ATRNL1: variants seen among roughly 807,000 people sequenced by gnomAD.
ATRNL1 encodes the protein attractin like 1.
ATRNL1 carries 95 observed loss-of-function variants against 182.7 expected under a neutral mutation model. That is an observed-to-expected ratio of 0.52 (90% CI 0.44 to 0.62). ATRNL1 has a LOEUF of 0.62. Ranked by LOEUF, ATRNL1 falls within the 20% of genes least tolerant of loss-of-function variation. ATRNL1 has a pLI of 0.00. For synonymous variants in ATRNL1, 576 were observed against 568.3 expected, an observed-to-expected ratio of 1.01 and a Z score of -0.19; for missense variants, 1,471 against 1,679.5, an observed-to-expected ratio of 0.88 and a Z score of 2.17.
chr10:115,627,373 C>CT (rs34707919), intron 26 of ATRNL1, among the ~76,000 whole-genome samples: 10 of 151,254 alleles, frequency 6.6e-5, no homozygotes, highest in Admixed American at 1.3e-4. Context: ...ATTAGTATTT[C>CT]TTTTTTTTTG....
intron 27 of ATRNL1, among the ~76,000 whole-genome samples, chr10:115,836,058 C>T (rs568671101): frequency 2.0e-5 from 3 of 152,190 alleles, no homozygotes; most frequent in Non-Finnish European, 2.9e-5. Context: ...CAACGTATAA[C>T]GTATACTACC....
At chr10:115,775,261 A>G (rs1949094559) in intron 27 of ATRNL1, among the ~76,000 whole-genome samples, 1 of 152,200 alleles carries the variant, frequency 6.6e-6, no homozygotes, top group Admixed American at 6.5e-5. Flanking sequence ...AAATATATTG[A>G]ATCAGCTTTG....
At chr10:115,519,998 T>C (rs1291145640) in intron 25 of ATRNL1, among the ~76,000 whole-genome samples, 2 of 152,182 alleles carry the variant, frequency 1.3e-5, no homozygotes, top group Admixed American at 1.3e-4. Context: ...TGTTATGAGA[T>C]CGTAGATCCT....
At chr10:115,221,447 T>C (rs1248986626) in intron 9 of ATRNL1, among the ~76,000 whole-genome samples, 14 of 152,218 alleles carry the variant, frequency 9.2e-5, no homozygotes, top group Admixed American at 8.5e-4. Flanking sequence ...TGAGGACTTA[T>C]TCTTTTTCAG....
intron 5 of ATRNL1, among the ~76,000 whole-genome samples, chr10:115,148,838 C>T (rs1846089410): frequency 6.6e-6 from 1 of 150,748 alleles, no homozygotes; most frequent in Non-Finnish European, 1.5e-5. Flanking sequence ...CAACATCCTC[C>T]TCCCAGGTTC....
chr10:115,159,997 G>A (rs1592189039), intron 5 of ATRNL1, 43 bp from the exon 6 acceptor site: 2 of 1,405,552 alleles, frequency 1.4e-6, no homozygotes, highest in Admixed American at 2.3e-5. Context: ...TAATCTGAGG[G>A]CTTTGTTTAA....
In ATRNL1 at chr10:115,622,215, A is replaced by G. The variant is rs991692845; in HGVS notation, c.3795+72679A>G. 2.3e-4 allele frequency among the ~76,000 whole-genome samples: 35 copies of G among 152,214 alleles called. 1 individual carries two copies. Among genetic ancestry groups the G allele is most frequent in the Non-Finnish European group, 8.8e-5 (6 of 68,034 alleles). ...GATATGCAGCCTATAGGATTCATAG[A>G]CCTATCCAAAGAGATTGAGGAACGG... On this transcript the variant is annotated intron_variant, in intron 26 of 28. Coordinates refer to ENST00000355044, the MANE Select transcript of ATRNL1 (RefSeq NM_207303.4).
At chr10:115,515,371 G>A (rs1297600468) in intron 24 of ATRNL1, among the ~76,000 whole-genome samples, 3 of 118,048 alleles carry the variant, frequency 2.5e-5, no homozygotes, top group African/African-American at 9.1e-5. Flanking sequence ...TTTTAATATT[G>A]GAAGTCAAGG....
At position 115,817,884 on chromosome 10, in the gene ATRNL1, T is replaced by G. The variant is rs947844812; in HGVS notation, c.3904-29993T>G. Among the ~76,000 whole-genome samples the G allele has an allele frequency of 8.6e-5, 13 of 151,596 alleles. No individual in the cohort carries two copies. The East Asian group carries it at 9.7e-4, about 11-fold the overall frequency. ...GCTTTGATTTTACGTTGTGTTTTTT[T>G]TTTTTTTTTTCTGTTTTAATGTTTA... On this transcript the variant is annotated intron_variant, in intron 27 of 28. Transcript: ENST00000355044.
intron 1 of ATRNL1, among the ~76,000 whole-genome samples, chr10:115,105,258 G>A (rs1411039319): frequency 6.6e-6 from 1 of 151,884 alleles, no homozygotes; most frequent in Admixed American, 6.6e-5. Flanking sequence ...GAGGTTTGTG[G>A]AACTTTGAAC....
intron 27 of ATRNL1, among the ~76,000 whole-genome samples, chr10:115,777,592 T>G (rs1285849429): frequency 3.3e-5 from 5 of 152,182 alleles, no homozygotes; most frequent in Non-Finnish European, 5.9e-5. Flanking sequence ...AATTTAAATT[T>G]AACTCTAGTT....
At chr10:115,723,792 A>G (rs1256052564) in intron 26 of ATRNL1, among the ~76,000 whole-genome samples, 1 of 152,120 alleles carries the variant, frequency 6.6e-6, no homozygotes, top group Non-Finnish European at 1.5e-5. Context: ...TCCTGACCTC[A>G]GGTGATCCAC....
At chr10:115,833,640 T>A (rs953223137) in intron 27 of ATRNL1, among the ~76,000 whole-genome samples, 31 of 152,190 alleles carry the variant, frequency 2.0e-4, no homozygotes, top group African/African-American at 7.0e-4. Flanking sequence ...ATTTAGTTTA[T>A]CCTTACAACA....
chr10:115,615,985 T>A (rs1857407045), intron 26 of ATRNL1, among the ~76,000 whole-genome samples: 1 of 151,942 alleles, frequency 6.6e-6, no homozygotes, highest in Admixed American at 6.6e-5. Context: ...TGGGCAGTGG[T>A]TGAAATAGTG....
intron 5 of ATRNL1, among the ~76,000 whole-genome samples, chr10:115,151,357 A>G (rs1234526576): frequency 2.0e-5 from 3 of 152,040 alleles, no homozygotes; most frequent in African/African-American, 4.8e-5. Context: ...AAGCATTCCT[A>G]TTTCTCCACA....
At chr10:115,824,142 A>G (rs533469578) in intron 27 of ATRNL1, among the ~76,000 whole-genome samples, 51 of 152,334 alleles carry the variant, frequency 3.3e-4, no homozygotes, top group African/African-American at 1.2e-3. Flanking sequence ...CAACCATCTG[A>G]TGTTTGACAA....
At chr10:115,619,634 A>G (rs1252276188) in intron 26 of ATRNL1, among the ~76,000 whole-genome samples, 1 of 152,196 alleles carries the variant, frequency 6.6e-6, no homozygotes, top group African/African-American at 2.4e-5. Flanking sequence ...ATAGAATTTT[A>G]AACTTCATGT....
At chr10:115,175,680 A>C (rs1157368562) in intron 8 of ATRNL1, among the ~76,000 whole-genome samples, 2 of 152,116 alleles carry the variant, frequency 1.3e-5, no homozygotes, top group Non-Finnish European at 2.9e-5. Flanking sequence ...TACAAAGCAA[A>C]ACCCAACAAA....
intron 26 of ATRNL1, among the ~76,000 whole-genome samples, chr10:115,550,869 G>A (rs1317374691): frequency 6.6e-6 from 1 of 151,744 alleles, no homozygotes; most frequent in Non-Finnish European, 1.5e-5. Flanking sequence ...TTAATCATTA[G>A]AAGAGAAGGC....
Sources: allele counts gnomAD v4.1 joint callset (sites outside exome capture counted in the v4.1 genomes callset), GRCh38; gene constraint gnomAD v4.1.1; transcripts MANE v1.5; gene names NCBI Gene and HGNC (gene_info 2026-07-23, HGNC 2026-07-21).